TSC22D4: variants seen among roughly 807,000 people sequenced by gnomAD.
TSC22D4 encodes the protein TSC22 domain family protein 4.
TSC22D4 carries 5 observed loss-of-function variants against 24.9 expected under a neutral mutation model. That is an observed-to-expected ratio of 0.20 (90% CI 0.10 to 0.42). The LOEUF (loss-of-function observed/expected upper bound fraction) is 0.42. Ranked by LOEUF, TSC22D4 falls within the 10% of genes least tolerant of loss-of-function variation. TSC22D4 has a pLI of 1.00. For synonymous variants in TSC22D4, 245 were observed against 243.2 expected, an observed-to-expected ratio of 1.01 and a Z score of -0.07; for missense variants, 469 against 547.9, an observed-to-expected ratio of 0.86 and a Z score of 1.44.
In TSC22D4 at chr7:100,470,269, G is replaced by A. The variant is rs191204445; in HGVS notation, c.930-2669C>T. ...ATAAAGGAATAATACAGCAATAAAC[G>A]TTTGTTAGCCGACAGGTGACTGTCT... On this transcript the variant is annotated intron_variant, in intron 3 of 4. Transcript: ENST00000300181. Among the ~76,000 whole-genome samples, 126 of 152,222 alleles carry A rather than the reference G, an allele frequency of 8.3e-4. 1 individual carries two copies. Among genetic ancestry groups the A allele is most frequent in the Admixed American group, 2.4e-3 (37 of 15,264 alleles).
At chr7:100,472,567 G>A (rs1335540241) in intron 3 of TSC22D4, among the ~76,000 whole-genome samples, 2 of 152,128 alleles carry the variant, frequency 1.3e-5, no homozygotes, top group East Asian at 1.9e-4. Flanking sequence ...AACCTCCCAA[G>A]TGGGAGAGGG....
intron 2 of TSC22D4, among the ~76,000 whole-genome samples, chr7:100,475,335 C>T (rs1799475543): frequency 6.6e-6 from 1 of 152,150 alleles, no homozygotes; most frequent in Admixed American, 6.5e-5. Flanking sequence ...GATCTGCCCG[C>T]CTCGGCCTCC....
chr7:100,477,198 G>T lies in TSC22D4; in HGVS notation c.762+79C>A, dbSNP rs572063652. 40 of 1,174,978 alleles carry T rather than the reference G, an allele frequency of 3.4e-5. No individual in the cohort carries two copies. The highest frequency in any genetic ancestry group is 1.4e-4 in the East Asian group (5 of 36,944). 72.8% of individuals were successfully genotyped at this position (1,174,978 alleles called of 1,614,324 possible). On this transcript the variant is annotated intron_variant, in intron 2 of 4. Coordinates refer to ENST00000300181, the MANE Select transcript of TSC22D4 (RefSeq NM_030935.5). This position sits in a 1 kb window ranked among gnomAD's most constrained non-coding sequence, Gnocchi z 7.8. ...AAGTGATGGAGAAGGAGGAGGAGAG[G>T]GGGGGGAGGAGGAGGAAGGAGGCTC...
chr7:100,474,294 G>A lies in TSC22D4; in HGVS notation c.909C>T (p.His303=). ...LAHSMLAISG[H]LDSDDDSGSG... ...CCTACCTATCATCGTCGCTGTCTAGGTGACCACTGATGGCCAACATGGAGT... is the reference window on the plus strand; with the variant it reads ...CCTACCTATCATCGTCGCTGTCTAGATGACCACTGATGGCCAACATGGAGT... The change falls in exon 3 of 5, where the codon CAC becomes CAT. Residue 303 remains histidine, a synonymous_variant. Coordinates refer to ENST00000300181, the MANE Select transcript of TSC22D4 (RefSeq NM_030935.5). The surrounding 1 kb of genome is among the most constrained non-coding windows in gnomAD (Gnocchi z 4.3). The A allele has an allele frequency of 1.2e-6, 2 of 1,614,034 alleles. No homozygotes were observed. The highest frequency in any genetic ancestry group is 1.1e-5 in the South Asian group (1 of 91,080).
At chr7:100,478,372 T>A (rs1191763635) in intron 1 of TSC22D4, 65 bp from the exon 2 acceptor site, 18 of 249,926 alleles carry the variant, frequency 7.2e-5, no homozygotes, top group African/African-American at 1.6e-4. Context: ...TGTGTGTGTG[T>A]GTGTGTGTGT....
Position 100,466,927 on chromosome 7 carries a change from G to A in TSC22D4, c.*32C>T. Reference sequence around the variant, plus strand: ...CAGGCGGCTGACGCAAGGCCGGGCAGCCCCAAAGGCACATTGTAAGGGAAG... The same window carrying A: ...CAGGCGGCTGACGCAAGGCCGGGCAACCCCAAAGGCACATTGTAAGGGAAG... On this transcript the variant is annotated 3_prime_UTR_variant, in exon 5 of 5. Coordinates refer to ENST00000300181, the MANE Select transcript of TSC22D4 (RefSeq NM_030935.5). The A allele has an allele frequency of 6.6e-7, 1 of 1,506,202 alleles. No individual in the cohort carries two copies. The highest frequency in any genetic ancestry group is 8.9e-7 in the Non-Finnish European group (1 of 1,123,932). 93.3% of individuals were successfully genotyped at this position (1,506,202 alleles called of 1,614,324 possible).
rs372797791 is a variant in TSC22D4 at position 100,477,427 on chromosome 7, C to T, written c.612G>A (p.Ala204=). The T allele has an allele frequency of 2.3e-5, 36 of 1,585,842 alleles. No homozygotes were observed. The highest frequency in any genetic ancestry group is 1.2e-4 in the African/African-American group (9 of 74,058). ...RPPEPETGES[A]GTSRAATPLP... is the part of the protein sequence containing the mutation. Reference sequence around the variant, plus strand: ...GGGGCGTGGCAGCCCGGGATGTGCCCGCACTCTCACCGGTCTCAGGCTCTG... The same window carrying T: ...GGGGCGTGGCAGCCCGGGATGTGCCTGCACTCTCACCGGTCTCAGGCTCTG... Residue 204 remains alanine, a synonymous_variant, in exon 2 of 5, where the codon GCG becomes GCA. Coordinates refer to ENST00000300181, the MANE Select transcript of TSC22D4 (RefSeq NM_030935.5). This position sits in a 1 kb window ranked among gnomAD's most constrained non-coding sequence, Gnocchi z 7.8.
intron 3 of TSC22D4, among the ~76,000 whole-genome samples, chr7:100,470,761 G>A (rs758397607): frequency 1.8e-4 from 28 of 152,134 alleles, no homozygotes; most frequent in Middle Eastern, 3.2e-3. Flanking sequence ...AGACAGGATC[G>A]ACCTCCACCA....
At chr7:100,470,742 G>C (rs1286669272) in intron 3 of TSC22D4, among the ~76,000 whole-genome samples, 1 of 152,174 alleles carries the variant, frequency 6.6e-6, no homozygotes, top group Non-Finnish European at 1.5e-5. Flanking sequence ...AGGAAAGTAG[G>C]GGCTGCTGAG....
At position 100,477,407 on chromosome 7, in the gene TSC22D4, G is replaced by A. The variant is rs753698137; in HGVS notation, c.632C>T (p.Thr211Met). The change falls in exon 2 of 5, where the codon ACG becomes ATG. Residue 211 changes from threonine (T) to methionine (M), a missense_variant. By Grantham distance (81) the Thr-to-Met change is moderately conservative. Coordinates refer to ENST00000300181, the MANE Select transcript of TSC22D4 (RefSeq NM_030935.5). This position sits in a 1 kb window ranked among gnomAD's most constrained non-coding sequence, Gnocchi z 7.8. ...GESAGTSRAA[T>M]PLPSLRVEAE... is the part of the protein sequence containing the mutation. ...TTCCACCCTCAGAGAGGGCAGGGGC[G>A]TGGCAGCCCGGGATGTGCCCGCACT... The A allele has an allele frequency of 1.5e-5, 24 of 1,595,374 alleles. No individual in the cohort carries two copies. Among genetic ancestry groups the A allele is most frequent in the South Asian group, 1.2e-4 (11 of 88,696 alleles).
intron 3 of TSC22D4, among the ~76,000 whole-genome samples, chr7:100,470,308 C>A (rs530937589): frequency 6.6e-6 from 1 of 152,076 alleles, no homozygotes; most frequent in African/African-American, 2.4e-5. Flanking sequence ...GTTTGTCTAG[C>A]GCCTGGGAGT....
intron 3 of TSC22D4, among the ~76,000 whole-genome samples, chr7:100,473,448 T>G (rs1424337429): frequency 6.6e-6 from 1 of 151,896 alleles, no homozygotes; most frequent in South Asian, 2.1e-4. Context: ...TTTTTTTTGT[T>G]GTTTTTTTTT....
chr7:100,470,549 C>T (rs908904107), intron 3 of TSC22D4, among the ~76,000 whole-genome samples: 4 of 152,174 alleles, frequency 2.6e-5, no homozygotes, highest in African/African-American at 9.7e-5. Flanking sequence ...ATGATCCACC[C>T]ACCTCAGCCT....
chr7:100,466,748 C>T lies in TSC22D4; in HGVS notation c.*211G>A. The T allele has an allele frequency of 3.4e-6, 2 of 590,706 alleles. No individual in the cohort carries two copies. The highest frequency in any genetic ancestry group is 2.4e-5 in the South Asian group (1 of 41,052). The allele number at this position is 590,706 out of a possible 1,614,324, so 36.6% of individuals were successfully genotyped here. On this transcript the variant is annotated 3_prime_UTR_variant, in exon 5 of 5. Coordinates refer to ENST00000300181, the MANE Select transcript of TSC22D4 (RefSeq NM_030935.5). ...GGGGTTGGTTCCCTCCCAGAGGGGG[C>T]TCCCTCTGACGCCCCGTCCTGAAGC...
Position 100,478,162 on chromosome 7 carries a change from G to T in TSC22D4, c.-124C>A. ...CATCCGAGCCCCTGGGGACGTCTGGGTCCGACATGGCAGGAGGGCCTGGCG... is the reference window on the plus strand; with the variant it reads ...CATCCGAGCCCCTGGGGACGTCTGGTTCCGACATGGCAGGAGGGCCTGGCG... On this transcript the variant is annotated 5_prime_UTR_variant, in exon 2 of 5. Coordinates refer to ENST00000300181, the MANE Select transcript of TSC22D4 (RefSeq NM_030935.5). 1.2e-6 allele frequency: 1 copy of T among 840,152 alleles called. No homozygotes were observed. The highest frequency in any genetic ancestry group is 1.8e-6 in the Non-Finnish European group (1 of 555,376). 52.0% of individuals were successfully genotyped at this position (840,152 alleles called of 1,614,324 possible). A position where few individuals can be genotyped will look rare whatever the true frequency, so the allele number is the denominator to read the frequency against.
intron 3 of TSC22D4, 34 bp from the exon 4 acceptor site, chr7:100,467,634 G>A (rs1279087378): frequency 6.2e-7 from 1 of 1,609,908 alleles, no homozygotes; most frequent in African/African-American, 1.3e-5. Flanking sequence ...GGGAGGAGAG[G>A]AGAAGCCTTC....
Position 100,474,495 on chromosome 7 carries a change from C to T in TSC22D4, c.763-55G>A. 6.2e-7 allele frequency: 1 copy of T among 1,602,810 alleles called. No individual in the cohort carries two copies. Among genetic ancestry groups the T allele is most frequent in the Non-Finnish European group, 8.5e-7 (1 of 1,174,094 alleles). ...TGAAAAGAGAAAAGAAAGGAACCAG[C>T]TGCCTTAAAACTTGCCTATTAGCCT... On this transcript the variant is annotated intron_variant, in intron 2 of 4. Transcript: ENST00000300181. This position sits in a 1 kb window ranked among gnomAD's most constrained non-coding sequence, Gnocchi z 4.3.
chr7:100,467,742 G>A, intron 3 of TSC22D4, 142 bp from the exon 4 acceptor site: 1 of 907,178 alleles, frequency 1.1e-6, no homozygotes, highest in Non-Finnish European at 1.8e-6. Context: ...CCATCCCCCT[G>A]CGGGTTGAAG....
chr7:100,476,443 T>TTC (rs1468479145), intron 2 of TSC22D4, among the ~76,000 whole-genome samples: 2 of 152,154 alleles, frequency 1.3e-5, no homozygotes, highest in Non-Finnish European at 2.9e-5. Context: ...AGGTGTTATA[T>TTC]TCTCCCACAG....
Sources: gnomAD v4.1 joint callset for allele counts (sites outside exome capture counted in the v4.1 genomes callset) on GRCh38, gnomAD v4.1.1 for gene constraint, Gnocchi (gnomAD v3.1) non-coding constraint, MANE v1.5 for transcripts, NCBI Gene and HGNC (gene_info 2026-07-23, HGNC 2026-07-21) for gene names.